Variants in TMEM156 observed in about 807,000 individuals in gnomAD.
The protein encoded by TMEM156 is transmembrane protein 156.
A neutral mutation model predicts 30.5 loss-of-function variants in TMEM156; 28 were observed. That is an observed-to-expected ratio of 0.92 (90% confidence interval 0.68 to 1.26). The LOEUF is 1.26. TMEM156 is among the 50% of genes most tolerant of loss of function. The pLI is 0.00. For missense variants in TMEM156, 351 were observed against 340.6 expected (o/e 1.03, Z -0.24); for synonymous variants, 137 against 119.9 (o/e 1.14, Z -0.93).
chr4:39,001,194 C>A (rs1406206840), intron 1 of TMEM156, among the ~76,000 whole-genome samples: 3 of 146,618 alleles, frequency 2.0e-5, no homozygotes, highest in Admixed American at 7.0e-5. Flanking sequence ...CACAGTGAAA[C>A]CCCATCTCTA....
At chr4:39,006,559 A>T (rs552581824) in intron 1 of TMEM156, among the ~76,000 whole-genome samples, 2 of 152,164 alleles carry the variant, frequency 1.3e-5, no homozygotes, top group African/African-American at 4.8e-5. Context: ...GGTTAAAAAG[A>T]TCTTTACCTA....
intron 1 of TMEM156, among the ~76,000 whole-genome samples, chr4:39,021,060 G>A (rs933152031): frequency 1.2e-4 from 18 of 152,092 alleles, no homozygotes; most frequent in African/African-American, 1.2e-4. Context: ...GATGATTAGC[G>A]ATGTTGAGAA....
intron 1 of TMEM156, among the ~76,000 whole-genome samples, chr4:39,010,663 G>A (rs1279663672): frequency 3.3e-5 from 5 of 152,074 alleles, no homozygotes; most frequent in African/African-American, 1.2e-4. Context: ...AGTAAACACT[G>A]GGGAAAGGAT....
chr4:39,013,429 T>C (rs1340072879), intron 1 of TMEM156, among the ~76,000 whole-genome samples: 1 of 151,176 alleles, frequency 6.6e-6, no homozygotes, highest in African/African-American at 2.4e-5. Context: ...TAAGACGGAG[T>C]CTTGCTCTGT....
At chr4:38,981,838 G>A (rs1475355060) in intron 5 of TMEM156, among the ~76,000 whole-genome samples, 1 of 152,130 alleles carries the variant, frequency 6.6e-6, no homozygotes, top group Non-Finnish European at 1.5e-5. Context: ...CTCTATAAAG[G>A]CAAGGACTGT....
rs1254719408 is a variant in TMEM156, at chr4:38,994,362, G to A, written c.359-364C>T. 2.0e-5 allele frequency among the ~76,000 whole-genome samples: 3 copies of A among 152,092 alleles called. No individual in the cohort carries two copies. The East Asian group carries it at 5.8e-4, about 29-fold the overall frequency. ...GCTGGTCTCCAACTTTTGGACTCAA[G>A]GGATCCTCCCTCCTCAGACTCCTGA... On this transcript the variant is annotated intron_variant, in intron 2 of 6. Transcript: ENST00000381938.
In TMEM156 at chr4:38,986,900, T is replaced by C. The variant is rs138831032; in HGVS notation, c.740-481A>G. On this transcript the variant is annotated intron_variant, in intron 4 of 6. Coordinates refer to ENST00000381938, the MANE Select transcript of TMEM156 (RefSeq NM_024943.3). Reference sequence around the variant, plus strand: ...AGAAAAGTATATTTTTATCTTATTATATACATAGATATGATGTGAAGAATA... The same window carrying C: ...AGAAAAGTATATTTTTATCTTATTACATACATAGATATGATGTGAAGAATA... Among the ~76,000 whole-genome samples the C allele has an allele frequency of 4.1e-3, 577 of 141,998 alleles. 3 individuals carry two copies. Among genetic ancestry groups the C allele is most frequent in the African/African-American group, 0.014 (556 of 38,678 alleles). The allele number at this position is 141,998 out of a possible 152,430, so 93.2% of individuals were successfully genotyped here.
chr4:39,001,967 G>A (rs1260849801), intron 1 of TMEM156, among the ~76,000 whole-genome samples: 1 of 139,420 alleles, frequency 7.2e-6, no homozygotes, highest in Non-Finnish European at 1.6e-5. Context: ...CAGGAAATAG[G>A]CATGGGCAAG....
At chr4:39,012,871 C>T (rs1041022791) in intron 1 of TMEM156, among the ~76,000 whole-genome samples, 1 of 151,582 alleles carries the variant, frequency 6.6e-6, no homozygotes, top group African/African-American at 2.4e-5. Context: ...ACCAGGGAGG[C>T]AGACGTTGCA....
chr4:38,994,894 C>T (rs1287975593), intron 2 of TMEM156, among the ~76,000 whole-genome samples: 1 of 151,870 alleles, frequency 6.6e-6, no homozygotes, highest in Non-Finnish European at 1.5e-5. Flanking sequence ...GTCAAGATTG[C>T]ACCACTGCAC....
At chr4:39,029,295 G>C (rs971131836) in intron 1 of TMEM156, among the ~76,000 whole-genome samples, 2 of 151,706 alleles carry the variant, frequency 1.3e-5, no homozygotes, top group Admixed American at 6.6e-5. Flanking sequence ...GAAAAAAAAG[G>C]ACAAGAAACG....
At chr4:38,993,633 A>C (rs540403946) in intron 3 of TMEM156, 105 bp downstream of exon 3, 89 of 904,830 alleles carry the variant, frequency 9.8e-5, no homozygotes, top group Non-Finnish European at 1.4e-4. Context: ...TTCATCAGTA[A>C]AATTCTTCAG....
intron 1 of TMEM156, among the ~76,000 whole-genome samples, chr4:39,001,176 C>G (rs1244352061): frequency 1.4e-5 from 2 of 146,734 alleles, no homozygotes; most frequent in Non-Finnish European, 3.0e-5. Flanking sequence ...GGAGACCATC[C>G]TGGCTAACAC....
intron 1 of TMEM156, among the ~76,000 whole-genome samples, chr4:39,010,321 C>T (rs1292148429): frequency 6.6e-6 from 1 of 152,158 alleles, no homozygotes; most frequent in Non-Finnish European, 1.5e-5. Flanking sequence ...ATCCATACTG[C>T]CCAAAGCAAT....
intron 5 of TMEM156, 49 bp downstream of exon 5, chr4:38,986,287 G>A (rs763406218): frequency 3.8e-6 from 5 of 1,320,580 alleles, no homozygotes; most frequent in Non-Finnish European, 5.5e-6. Context: ...AAACCATGCA[G>A]CTTTGGAATT....
intron 5 of TMEM156, among the ~76,000 whole-genome samples, chr4:38,977,714 T>C (rs1164136171): frequency 6.6e-6 from 1 of 152,256 alleles, no homozygotes. Flanking sequence ...CAAACATTTC[T>C]ATGACTTCTT....
chr4:38,996,999 C>CA (rs1373894052), intron 2 of TMEM156, among the ~76,000 whole-genome samples: 1 of 151,882 alleles, frequency 6.6e-6, no homozygotes, highest in South Asian at 2.1e-4. Flanking sequence ...AGGACCCACA[C>CA]AAAAAAAGAA....
chr4:38,978,809 G>T (rs896559387), intron 5 of TMEM156, among the ~76,000 whole-genome samples: 13 of 152,056 alleles, frequency 8.5e-5, no homozygotes, highest in Admixed American at 2.0e-4. Flanking sequence ...TTGAGACAGG[G>T]TCTCGCTCTG....
Position 39,000,658 on chromosome 4 carries a change from A to G in TMEM156, c.89-1749T>C, listed in dbSNP as rs574126750. Among the ~76,000 whole-genome samples the G allele has an allele frequency of 1.4e-4, 21 of 152,184 alleles. No homozygotes were observed. The South Asian group carries it at 4.2e-3, about 30-fold the overall frequency. Reference sequence around the variant, plus strand: ...TCCCAGCACTTTGGGAGGCTGAGGCAGTTGGATCACTTGAGGTCAGGAGTT... The same window carrying G: ...TCCCAGCACTTTGGGAGGCTGAGGCGGTTGGATCACTTGAGGTCAGGAGTT... On this transcript the variant is annotated intron_variant, in intron 1 of 6. Transcript: ENST00000381938.
Sources: allele counts gnomAD v4.1 joint callset (sites outside exome capture counted in the v4.1 genomes callset), GRCh38; gene constraint gnomAD v4.1.1; transcripts MANE v1.5; gene names NCBI Gene and HGNC (gene_info 2026-07-23, HGNC 2026-07-21).